The following CEP290 variants were observed in gnomAD, a reference collection of about 807,000 sequenced individuals.
CEP290 encodes centrosomal protein of 290 kDa.
Under a neutral mutation model 344.9 loss-of-function variants are expected in CEP290, and 317 were observed. That is an observed-to-expected ratio of 0.92 (90% CI 0.84 to 1.01). CEP290 has a LOEUF of 1.01. CEP290 is among the 50% of genes least tolerant of loss of function. The pLI is 0.00. For synonymous variants in CEP290, 932 were observed against 895.8 expected (o/e 1.04, Z -0.72); for missense variants, 2,754 against 2,761.4 (o/e 1.00, Z 0.06).
At chr12:88,059,426 G>A (rs752862064) in intron 48 of CEP290, among the ~76,000 whole-genome samples, 38 of 152,068 alleles carry the variant, frequency 2.5e-4, no homozygotes, top group Non-Finnish European at 4.4e-4. Flanking sequence ...TTGTTTGTTT[G>A]AGATGGAGTC....
Position 88,071,836 on chromosome 12 carries a change from C to G in CEP290, c.5800G>C (p.Gly1934Arg), listed in dbSNP as rs755115313. ...GIRNKLKEKE[G>R]EVFTLTKQLN... ...TGCTTTGTTAAAGTAAAGACTTCCC[C>G]CTCTTTCTCTTTTAACTTGTTTCGA... is the stretch of plus-strand genomic sequence containing the variant. Residue 1934 changes from glycine to arginine, a missense_variant, in exon 42 of 54, where the codon GGG becomes CGG. Gly to Arg is a moderately radical substitution (Grantham distance 125). Coordinates refer to ENST00000552810, the MANE Select transcript of CEP290 (RefSeq NM_025114.4). 1.2e-6 allele frequency: 2 copies of G among 1,604,302 alleles called. No homozygotes were observed. The highest frequency in any genetic ancestry group is 1.7e-6 in the Non-Finnish European group (2 of 1,176,276).
intron 13 of CEP290, among the ~76,000 whole-genome samples, chr12:88,121,682 C>T (rs551865043): frequency 6.6e-6 from 1 of 151,812 alleles, no homozygotes; most frequent in East Asian, 1.9e-4. Context: ...TTCCTGCTAG[C>T]TGAAATCCAC....
Position 88,129,711 on chromosome 12 carries a change from CG to C in CEP290, c.834del (p.Asn278LysfsTer15). ...DNVIDQLKKE[N>X]DHYQLQVQEL... The stretch of plus-strand genomic sequence containing the variant: ...ATTCTTACTTGAAGTTGATAATGAT[CG>C]TTTTCTTTTTTTAACTGATCTATTA... On this transcript the variant is annotated frameshift_variant, in exon 10 of 54. Transcript: ENST00000552810. LOFTEE classifies it high-confidence loss of function. The C allele has an allele frequency of 7.0e-7, 1 of 1,437,204 alleles. No homozygotes were observed. Among genetic ancestry groups the C allele is most frequent in the South Asian group, 1.3e-5 (1 of 75,210 alleles). 89.0% of individuals were successfully genotyped at this position (1,437,204 alleles called of 1,614,324 possible).
chr12:88,121,176 A>G lies in CEP290; in HGVS notation c.1190-10T>C, dbSNP rs750104849. 6.2e-7 allele frequency: 1 copy of G among 1,601,376 alleles called. No individual in the cohort carries two copies. The highest frequency in any genetic ancestry group is 8.5e-7 in the Non-Finnish European group (1 of 1,174,220). ...GAAAGGGTTGAAGCACCTACAGAGT[A>G]AAAACAAAAATCATGAATTGAATTG... On this transcript the variant is annotated splice_polypyrimidine_tract_variant and intron_variant, in intron 13 of 53. Coordinates refer to ENST00000552810, the MANE Select transcript of CEP290 (RefSeq NM_025114.4).
At position 88,111,775 on chromosome 12, in the gene CEP290, A is replaced by G; in HGVS notation, c.2136T>C (p.Asn712=). The change falls in exon 21 of 54, where the codon AAT becomes AAC. Residue 712 remains asparagine, a synonymous_variant. Coordinates refer to ENST00000552810, the MANE Select transcript of CEP290 (RefSeq NM_025114.4). ...KAQVDQLTGR[N]EELRQELRES... is the part of the protein sequence containing the mutation. ...CCCTGAGCTCCTGTCTTAATTCTTC[A>G]TTTCTTCCGGTAAGCTGATCAACTT... is the stretch of plus-strand genomic sequence containing the variant. 1 of 1,606,682 alleles carries G rather than the reference A, an allele frequency of 6.2e-7. No individual in the cohort carries two copies.
rs1178248633 is a variant in CEP290 at position 88,092,842 on chromosome 12, T to C, written c.3310-10A>G. The C allele has an allele frequency of 6.2e-7, 1 of 1,607,082 alleles. No homozygotes were observed. Among genetic ancestry groups the C allele is most frequent in the African/African-American group, 1.3e-5 (1 of 74,628 alleles). On this transcript the variant is annotated splice_polypyrimidine_tract_variant and intron_variant, in intron 28 of 53. Transcript: ENST00000552810. ...AATTGATTTTGGTAAGCTAAGGAAA[T>C]GTAACAAAAAATGTTCAGATACATC... is the stretch of plus-strand genomic sequence containing the variant.
At chr12:88,130,775 T>C (rs2040019960) in intron 7 of CEP290, among the ~76,000 whole-genome samples, 1 of 152,034 alleles carries the variant, frequency 6.6e-6, no homozygotes, top group Non-Finnish European at 1.5e-5. Context: ...GAATAAACAA[T>C]GTACAAACAT....
intron 32 of CEP290, among the ~76,000 whole-genome samples, chr12:88,086,945 C>A (rs1045641519): frequency 6.6e-6 from 1 of 152,108 alleles, no homozygotes; most frequent in Admixed American, 6.6e-5. Flanking sequence ...TAATTAATCT[C>A]TATTTAGGAA....
chr12:88,141,139 T>G, intron 2 of CEP290, 67 bp downstream of exon 2: 2 of 1,290,816 alleles, frequency 1.5e-6, no homozygotes, highest in Non-Finnish European at 2.1e-6. Flanking sequence ...AAAAATAAAT[T>G]CATATTTTAT....
At chr12:88,114,994 T>C (rs1055083411) in intron 19 of CEP290, 104 bp downstream of exon 19, 2 of 632,322 alleles carry the variant, frequency 3.2e-6, no homozygotes, top group Middle Eastern at 5.9e-4. Context: ...TAATTAGGAG[T>C]AAAGCAGATT....
chr12:88,084,078 C>A (rs2036391608), intron 35 of CEP290, 124 bp from the exon 36 acceptor site: 1 of 645,254 alleles, frequency 1.5e-6, no homozygotes, highest in South Asian at 2.0e-5. Context: ...GAAACAGTAT[C>A]TCCATATATG....
intron 52 of CEP290, among the ~76,000 whole-genome samples, chr12:88,050,887 G>A (rs368976110): frequency 3.8e-4 from 58 of 152,058 alleles, no homozygotes; most frequent in African/African-American, 1.2e-3. Flanking sequence ...TGTGCAAAAC[G>A]TGTCATGCAG....
chr12:88,082,355 T>A lies in CEP290; in HGVS notation c.5012+676A>T, dbSNP rs893481893. Among the ~76,000 whole-genome samples the A allele has an allele frequency of 4.6e-5, 7 of 152,340 alleles. No homozygotes were observed. The East Asian group carries it at 1.3e-3, about 29-fold the overall frequency. ...TACACGGTATAATTTGACCTTCATA[T>A]AACCACCCTGAAAGGGCCAGGGTAA... On this transcript the variant is annotated intron_variant, in intron 37 of 53. Transcript: ENST00000552810.
intron 13 of CEP290, among the ~76,000 whole-genome samples, chr12:88,124,348 A>C (rs1252293901): frequency 6.6e-6 from 1 of 152,068 alleles, no homozygotes; most frequent in Non-Finnish European, 1.5e-5. Flanking sequence ...CTTTGAACTT[A>C]TTCCCACTGC....
chr12:88,120,850 T>C (rs549475975), intron 14 of CEP290, 147 bp downstream of exon 14: 44 of 653,810 alleles, frequency 6.7e-5, no homozygotes, highest in African/African-American at 5.9e-4. Context: ...AAGGTTTCAA[T>C]AGTTTAGTAT....
At chr12:88,140,878 A>G in intron 3 of CEP290, 78 bp downstream of exon 3, 2 of 890,268 alleles carry the variant, frequency 2.2e-6, no homozygotes, top group African/African-American at 3.5e-5. Flanking sequence ...ATTTTCACAA[A>G]GATTACCTTA....
chr12:88,096,811 T>TA lies in CEP290; in HGVS notation c.3103+76dup, dbSNP rs1242637807. On this transcript the variant is annotated intron_variant, in intron 27 of 53. Transcript: ENST00000552810. ...CAAAATACTTCCTTTTAATCTAGCA[T>TA]AAAAAAGGAACTTTAAATAAGAAAT... The TA allele has an allele frequency of 3.2e-5, 24 of 759,570 alleles. No individual in the cohort carries two copies. In the East Asian group the frequency reaches 3.3e-4, roughly 10 times the overall value. 47.1% of individuals were successfully genotyped at this position (759,570 alleles called of 1,614,324 possible).
intron 49 of CEP290, 177 bp downstream of exon 49, chr12:88,058,671 A>C (rs1259349738): frequency 1.5e-6 from 1 of 669,802 alleles, no homozygotes; most frequent in Non-Finnish European, 2.5e-6. Context: ...TAAACATTTC[A>C]AGGAAGAAAA....
At chr12:88,055,483 T>A in intron 50 of CEP290, 93 bp downstream of exon 50, 1 of 1,156,918 alleles carries the variant, frequency 8.6e-7, no homozygotes, top group Non-Finnish European at 1.2e-6. Context: ...GTCTTCTTAA[T>A]AGAGTCCATT....
Sources: gnomAD v4.1 joint callset for allele counts (sites outside exome capture counted in the v4.1 genomes callset) on GRCh38, gnomAD v4.1.1 for gene constraint, MANE v1.5 for transcripts, NCBI Gene and HGNC (gene_info 2026-07-23, HGNC 2026-07-21) for gene names.